Variants in CLRN1 observed in about 807,000 individuals in gnomAD.
CLRN1 encodes clarin-1.
In CLRN1, 15 loss-of-function variants were observed where a neutral mutation model predicts 18.7. The ratio of observed to expected loss-of-function variants is 0.80; its 90% CI spans 0.54 to 1.23. The LOEUF is 1.23. Among genes scored for constraint, CLRN1 ranks in the 50% most tolerant of loss-of-function variants. The pLI, the probability that CLRN1 is intolerant of heterozygous loss-of-function variation, is 0.00. For synonymous variants in CLRN1, 104 were observed against 102.9 expected (o/e 1.01, Z -0.07); for missense variants, 311 against 277.5 (o/e 1.12, Z -0.86).
intron 2 of CLRN1, among the ~76,000 whole-genome samples, chr3:150,937,227 A>G (rs1265988225): frequency 1.3e-5 from 2 of 152,092 alleles, no homozygotes; most frequent in Non-Finnish European, 2.9e-5. Flanking sequence ...TTAATTATTG[A>G]TATACACTTT....
intron 2 of CLRN1, 145 bp downstream of exon 2, chr3:150,941,437 A>G: frequency 3.7e-6 from 3 of 814,680 alleles, no homozygotes; most frequent in Non-Finnish European, 6.0e-6. Flanking sequence ...CAAGTGTGGT[A>G]TTTCCACACT....
chr3:150,949,546 C>A (rs575512682), intron 1 of CLRN1, among the ~76,000 whole-genome samples: 1 of 152,264 alleles, frequency 6.6e-6, no homozygotes, highest in Admixed American at 6.5e-5. Flanking sequence ...TTCCTATACA[C>A]CAACAATACC....
intron 1 of CLRN1, among the ~76,000 whole-genome samples, chr3:150,956,588 A>AT (rs1380405365): frequency 6.6e-6 from 1 of 152,182 alleles, no homozygotes; most frequent in Non-Finnish European, 1.5e-5. Flanking sequence ...CGAGTCTGCT[A>AT]TTACGAAACA....
chr3:150,933,965 T>C (rs1000018613), intron 2 of CLRN1, among the ~76,000 whole-genome samples: 7 of 152,176 alleles, frequency 4.6e-5, no homozygotes, highest in Non-Finnish European at 8.8e-5. Context: ...GCAGAATACA[T>C]TCATTACTGG....
At chr3:150,931,177 G>A (rs1247528803) in intron 2 of CLRN1, among the ~76,000 whole-genome samples, 3 of 152,228 alleles carry the variant, frequency 2.0e-5, no homozygotes, top group African/African-American at 4.8e-5. Flanking sequence ...TGGGATCAAG[G>A]ATAACTATTT....
intron 1 of CLRN1, among the ~76,000 whole-genome samples, chr3:150,971,016 G>C (rs1170587174): frequency 1.3e-5 from 2 of 152,138 alleles, no homozygotes; most frequent in Non-Finnish European, 2.9e-5. Context: ...TTTCACTGTA[G>C]AAAATGTAAA....
In CLRN1 at chr3:150,940,496, T is replaced by C. The variant is rs1190409202; in HGVS notation, c.433+1086A>G. 6.5e-7 allele frequency: 1 copy of C among 1,534,736 alleles called. No individual in the cohort carries two copies. Among genetic ancestry groups the C allele is most frequent in the Non-Finnish European group, 8.7e-7 (1 of 1,146,008 alleles). On this transcript the variant is annotated intron_variant, in intron 2 of 2. Transcript: ENST00000327047. ...AAGAAAGTACCTTGAGCCTGGTGCCTGGTAGCTGGCAGCCAAAGGGCAACT... is the reference window on the plus strand; with the variant it reads ...AAGAAAGTACCTTGAGCCTGGTGCCCGGTAGCTGGCAGCCAAAGGGCAACT...
intron 1 of CLRN1, among the ~76,000 whole-genome samples, chr3:150,963,842 T>G (rs970733006): frequency 4.6e-5 from 7 of 152,158 alleles, no homozygotes; most frequent in Non-Finnish European, 1.0e-4. Flanking sequence ...TAAATGGTGT[T>G]GGGAAAACTG....
chr3:150,945,467 T>C (rs907497565), intron 1 of CLRN1: 22 of 1,265,016 alleles, frequency 1.7e-5, no homozygotes, highest in Middle Eastern at 6.7e-4. Context: ...GAAAGTTTCA[T>C]TGGGTCAGAA....
intron 1 of CLRN1, among the ~76,000 whole-genome samples, chr3:150,961,330 C>T (rs1461803926): frequency 6.6e-6 from 1 of 152,164 alleles, no homozygotes; most frequent in Non-Finnish European, 1.5e-5. Context: ...ATGCTCAGGT[C>T]CCACCCCCAG....
intron 1 of CLRN1, among the ~76,000 whole-genome samples, chr3:150,971,098 T>A (rs1715513685): frequency 6.6e-6 from 1 of 152,240 alleles, no homozygotes; most frequent in Non-Finnish European, 1.5e-5. Context: ...TACTCACGCT[T>A]TGGCTGCCGG....
intron 1 of CLRN1, chr3:150,945,717 G>A: frequency 1.8e-6 from 2 of 1,096,308 alleles, no homozygotes; most frequent in East Asian, 6.1e-5. Flanking sequence ...AAAACTTTGA[G>A]ATACCATTTT....
At chr3:150,933,884 A>G (rs929618808) in intron 2 of CLRN1, among the ~76,000 whole-genome samples, 2 of 152,154 alleles carry the variant, frequency 1.3e-5, no homozygotes, top group Non-Finnish European at 2.9e-5. Context: ...CCCATTGCCA[A>G]CATCAGCTGT....
At chr3:150,942,652 G>C in intron 1 of CLRN1, 4 of 441,146 alleles carry the variant, frequency 9.1e-6, no homozygotes, top group South Asian at 6.6e-5. Context: ...AATGGGAGAA[G>C]ACAGACCATT....
chr3:150,963,471 T>G (rs1345512384), intron 1 of CLRN1, among the ~76,000 whole-genome samples: 1 of 152,156 alleles, frequency 6.6e-6, no homozygotes, highest in African/African-American at 2.4e-5. Flanking sequence ...ATTAATATCA[T>G]GAAAATGGCC....
chr3:150,948,388 G>T (rs1186223073), intron 1 of CLRN1, among the ~76,000 whole-genome samples: 3 of 149,966 alleles, frequency 2.0e-5, no homozygotes, highest in Non-Finnish European at 4.4e-5. Flanking sequence ...GGAGGCTGAG[G>T]CAGGAGAATG....
chr3:150,955,067 A>G (rs560289987), intron 1 of CLRN1, among the ~76,000 whole-genome samples: 1 of 152,372 alleles, frequency 6.6e-6, no homozygotes, highest in South Asian at 2.1e-4. Flanking sequence ...AGTCAGCAAT[A>G]AAAAAGATGC....
intron 2 of CLRN1, among the ~76,000 whole-genome samples, chr3:150,938,809 T>C (rs1230748219): frequency 6.6e-6 from 1 of 152,206 alleles, no homozygotes; most frequent in Non-Finnish European, 1.5e-5. Flanking sequence ...TGAGACAGAA[T>C]AGAATGCAGG....
intron 1 of CLRN1, among the ~76,000 whole-genome samples, chr3:150,943,042 T>C (rs1222546564): frequency 6.6e-6 from 1 of 152,168 alleles, no homozygotes; most frequent in Non-Finnish European, 1.5e-5. Flanking sequence ...TCCAACCCAG[T>C]TGCTATGTAA....
Sources: gnomAD v4.1 joint callset for allele counts (sites outside exome capture counted in the v4.1 genomes callset) on GRCh38, gnomAD v4.1.1 for gene constraint, MANE v1.5 for transcripts, NCBI Gene and HGNC (gene_info 2026-07-23, HGNC 2026-07-21) for gene names.